Variants in TNFRSF10B observed in about 807,000 individuals in gnomAD.
The protein encoded by TNFRSF10B is TNF receptor superfamily member 10b.
TNFRSF10B carries 35 observed loss-of-function variants against 41.4 expected under a neutral mutation model. The ratio of observed to expected loss-of-function variants is 0.85; its 90% CI spans 0.65 to 1.12. The LOEUF (loss-of-function observed/expected upper bound fraction) is 1.12. Among genes scored for constraint, TNFRSF10B ranks in the 50% most tolerant of loss-of-function variants. TNFRSF10B has a pLI of 0.00. For synonymous variants in TNFRSF10B, 230 were observed against 215.5 expected (o/e 1.07, Z -0.59); for missense variants, 584 against 552.7 (o/e 1.06, Z -0.57).
intron 2 of TNFRSF10B, 43 bp from the exon 3 acceptor site, chr8:23,030,915 T>C (rs1348824768): frequency 6.2e-6 from 9 of 1,445,108 alleles, no homozygotes; most frequent in Non-Finnish European, 8.6e-6. Context: ...TGCCACAGGA[T>C]TCCCAGAAGC....
intron 2 of TNFRSF10B, among the ~76,000 whole-genome samples, chr8:23,038,808 C>T (rs1357296161): frequency 1.3e-5 from 2 of 151,986 alleles, no homozygotes; most frequent in African/African-American, 4.8e-5. Flanking sequence ...TTAGTCAGGG[C>T]TCTCTAGAGC....
At chr8:23,042,625 T>C (rs1288673067) in intron 2 of TNFRSF10B, among the ~76,000 whole-genome samples, 1 of 152,158 alleles carries the variant, frequency 6.6e-6, no homozygotes, top group Non-Finnish European at 1.5e-5. Context: ...CTGGTGGCCC[T>C]CTGCTGAAAA....
chr8:23,021,687 T>C lies in TNFRSF10B; in HGVS notation c.*984A>G, dbSNP rs1055837119. ...TCCAGTTCTCTTTGGTCCCGACTCA[T>C]ATGTAAACAACTACCTATAAATAAT... On this transcript the variant is annotated 3_prime_UTR_variant, in exon 9 of 9. Coordinates refer to ENST00000276431, the MANE Select transcript of TNFRSF10B (RefSeq NM_003842.5). 8.8e-6 allele frequency: 4 copies of C among 454,126 alleles called. No homozygotes were observed. In the East Asian group the frequency reaches 2.1e-4, roughly 24 times the overall value. The allele number at this position is 454,126 out of a possible 1,614,324, so 28.1% of individuals were successfully genotyped here.
intron 1 of TNFRSF10B, among the ~76,000 whole-genome samples, chr8:23,053,262 T>C (rs1812574540): frequency 1.3e-5 from 2 of 152,160 alleles, no homozygotes; most frequent in Admixed American, 6.5e-5. Flanking sequence ...CCATACCTAG[T>C]ATATAATTAA....
At chr8:23,027,033 C>T in intron 7 of TNFRSF10B, 100 bp downstream of exon 7, 2 of 1,580,278 alleles carry the variant, frequency 1.3e-6, no homozygotes, top group African/African-American at 1.3e-5. Context: ...GGTTCCATTT[C>T]CCCTGGGCCA....
intron 1 of TNFRSF10B, among the ~76,000 whole-genome samples, chr8:23,063,034 G>T (rs1812875500): frequency 6.6e-6 from 1 of 152,062 alleles, no homozygotes; most frequent in Non-Finnish European, 1.5e-5. Context: ...TATTCCTGAT[G>T]ATCTTCCTTC....
intron 1 of TNFRSF10B, among the ~76,000 whole-genome samples, chr8:23,059,745 C>T (rs376082400): frequency 1.3e-5 from 2 of 152,214 alleles, no homozygotes; most frequent in South Asian, 4.1e-4. Context: ...ATCTCCTGAC[C>T]TCGTGATCCG....
chr8:23,045,685 T>G (rs1812337310), intron 1 of TNFRSF10B, among the ~76,000 whole-genome samples: 1 of 152,160 alleles, frequency 6.6e-6, no homozygotes, highest in African/African-American at 2.4e-5. Context: ...GCAAAAATCT[T>G]CAATAAAATA....
chr8:23,042,113 CTT>C (rs1342708810), intron 2 of TNFRSF10B, among the ~76,000 whole-genome samples: 2 of 152,186 alleles, frequency 1.3e-5, no homozygotes, highest in Non-Finnish European at 2.9e-5. Context: ...CCAAATATGT[CTT>C]GAGTCCTTCC....
intron 5 of TNFRSF10B, 133 bp from the exon 6 acceptor site, chr8:23,027,886 T>C (rs1811757742): frequency 9.4e-7 from 1 of 1,069,014 alleles, no homozygotes. Context: ...GGGGACAGAA[T>C]GGGGCCTTAC....
chr8:23,050,838 C>T (rs1812503138), intron 1 of TNFRSF10B, among the ~76,000 whole-genome samples: 1 of 152,142 alleles, frequency 6.6e-6, no homozygotes, highest in Non-Finnish European at 1.5e-5. Context: ...CTTTGGAAGG[C>T]CGAGGCGGGC....
Position 23,068,924 on chromosome 8 carries a change from A to G in TNFRSF10B, c.-30T>C, listed in dbSNP as rs778227130. The stretch of plus-strand genomic sequence containing the variant: ...GTAGGGAACGCTCTTATAGTCTCTC[A>G]GGCCCGTGGGTTTCAGCCCTTAAAG... On this transcript the variant is annotated 5_prime_UTR_variant, in exon 1 of 9. Transcript: ENST00000276431. 8 of 1,613,124 alleles carry G rather than the reference A, an allele frequency of 5.0e-6. No individual in the cohort carries two copies. Among genetic ancestry groups the G allele is most frequent in the African/African-American group, 1.3e-5 (1 of 75,032 alleles).
At chr8:23,042,754 G>A (rs1245370411) in intron 2 of TNFRSF10B, 1 of 182,504 alleles carries the variant, frequency 5.5e-6, no homozygotes, top group African/African-American at 2.3e-5. Flanking sequence ...CCCTGCTGTT[G>A]CTCCATCTTC....
intron 1 of TNFRSF10B, among the ~76,000 whole-genome samples, chr8:23,052,188 A>G (rs1237202124): frequency 6.6e-6 from 1 of 152,208 alleles, no homozygotes; most frequent in African/African-American, 2.4e-5. Context: ...CTAAAGTTAT[A>G]TTAAACAACA....
intron 2 of TNFRSF10B, among the ~76,000 whole-genome samples, chr8:23,033,830 C>T (rs1210239785): frequency 4.0e-5 from 6 of 151,786 alleles, no homozygotes; most frequent in Non-Finnish European, 5.9e-5. Context: ...AGCGAGCAAG[C>T]GAGAGAGAGC....
chr8:23,055,521 T>TAAAAAAAAAAAAAAAAAAAAAAAAA (rs34761330), intron 1 of TNFRSF10B, among the ~76,000 whole-genome samples: 1 of 120,544 alleles, frequency 8.3e-6, no homozygotes, highest in African/African-American at 3.1e-5. Flanking sequence ...ATTAAATGCT[T>TAAAAAAAAAAAAAAAAAAAAAAAAA]AAAAAAAAAA....
At chr8:23,047,589 T>G (rs1812400339) in intron 1 of TNFRSF10B, among the ~76,000 whole-genome samples, 1 of 151,446 alleles carries the variant, frequency 6.6e-6, no homozygotes, top group Admixed American at 6.6e-5. Context: ...GGTCAACAGA[T>G]ATTTGAAAAA....
intron 2 of TNFRSF10B, among the ~76,000 whole-genome samples, chr8:23,041,468 G>C (rs958066676): frequency 6.6e-6 from 1 of 152,090 alleles, no homozygotes; most frequent in African/African-American, 2.4e-5. Flanking sequence ...AGTGGTTGAG[G>C]CTACAGTGAG....
At position 23,027,743 on chromosome 8, in the gene TNFRSF10B, C is replaced by T; in HGVS notation, c.759G>A (p.Gly253=). ...YLKGICSGGG[G]DPERVDRSSQ... is the part of the protein sequence containing the mutation. Reference sequence around the variant, plus strand: ...TCACTCTGTCCACACGCTCAGGGTCCCCACCACCACCTAAAAAAGAAGCAG... The same window carrying T: ...TCACTCTGTCCACACGCTCAGGGTCTCCACCACCACCTAAAAAAGAAGCAG... Residue 253 remains glycine, a synonymous_variant, in exon 6 of 9, where the codon GGG becomes GGA. Coordinates refer to ENST00000276431, the MANE Select transcript of TNFRSF10B (RefSeq NM_003842.5). 1 of 1,614,070 alleles carries T rather than the reference C, an allele frequency of 6.2e-7. No homozygotes were observed. Among genetic ancestry groups the T allele is most frequent in the Non-Finnish European group, 8.5e-7 (1 of 1,180,000 alleles).
Sources: gnomAD v4.1 joint callset for allele counts (sites outside exome capture counted in the v4.1 genomes callset) on GRCh38, gnomAD v4.1.1 for gene constraint, MANE v1.5 for transcripts, NCBI Gene and HGNC (gene_info 2026-07-23, HGNC 2026-07-21) for gene names.